LRRC58: variants seen among roughly 807,000 people sequenced by gnomAD.
LRRC58 encodes the protein leucine rich repeat containing 58, also known as leucine-rich repeat-containing protein 58.
A neutral mutation model predicts 30.6 loss-of-function variants in LRRC58; 18 were observed. The observed-to-expected ratio is 0.59, with a 90% CI of 0.41 to 0.87. The LOEUF is 0.87. Among genes scored for constraint, LRRC58 ranks in the 40% least tolerant of loss-of-function variants. The probability of loss-of-function intolerance (pLI) is 0.00; values close to 1 mark genes in which losing one functional copy is unlikely to be tolerated. For missense variants in LRRC58, 420 were observed against 468.4 expected (o/e 0.90, Z 0.95); for synonymous variants, 221 against 206.0 (o/e 1.07, Z -0.62).
intron 1 of LRRC58, 127 bp from the exon 2 acceptor site, chr3:120,336,080 G>T: frequency 1.5e-6 from 1 of 669,844 alleles, no homozygotes; most frequent in Non-Finnish European, 2.5e-6. Flanking sequence ...TTTGCTATGT[G>T]CTATCCAGTC....
Position 120,325,495 on chromosome 3 carries a change from T to C in LRRC58, c.*5705A>G, listed in dbSNP as rs932874496. 2 of 152,170 alleles carry C rather than the reference T, an allele frequency of 1.3e-5. No homozygotes were observed. The highest frequency in any genetic ancestry group is 4.8e-5 in the African/African-American group (2 of 41,448). 9.4% of individuals were successfully genotyped at this position (152,170 alleles called of 1,614,324 possible). A position where few individuals can be genotyped will look rare whatever the true frequency, so the allele number is the denominator to read the frequency against. ...TGAATACTATCCTTTACAACAACTA[T>C]TGAGAAAGACTAATGTTAGGTAAAA... is the stretch of plus-strand genomic sequence containing the variant. On this transcript the variant is annotated 3_prime_UTR_variant, in exon 4 of 4. Transcript: ENST00000295628.
intron 2 of LRRC58, 36 bp from the exon 3 acceptor site, chr3:120,335,175 A>G: frequency 6.4e-7 from 1 of 1,555,266 alleles, no homozygotes; most frequent in Non-Finnish European, 8.8e-7. Context: ...AATGGCAGTA[A>G]ACAACGTAAC....
intron 1 of LRRC58, among the ~76,000 whole-genome samples, chr3:120,342,538 T>G (rs1418046136): frequency 6.6e-6 from 1 of 151,962 alleles, no homozygotes; most frequent in Non-Finnish European, 1.5e-5. Flanking sequence ...TGCAGAGATA[T>G]CCGAATGACT....
chr3:120,349,202 G>A lies in LRRC58; in HGVS notation c.42C>T (p.Ala14=), dbSNP rs1936022077. 2.1e-6 allele frequency: 3 copies of A among 1,448,372 alleles called. No homozygotes were observed. The African/African-American group carries it at 4.5e-5, about 22-fold the overall frequency. 89.7% of individuals were successfully genotyped at this position (1,448,372 alleles called of 1,614,324 possible). The change falls in exon 1 of 4, where the codon GCC becomes GCT. Residue 14 remains alanine (A), a synonymous_variant. Transcript: ENST00000295628. ...AGAAVVTAGE[A]ELNWSRLSVS... ...CGCTGAGGCGGGACCAGTTCAGTTC[G>A]GCCTCCCCGGCCGTGACCACCGCTG... is the stretch of plus-strand genomic sequence containing the variant.
At chr3:120,339,809 A>T (rs576763851) in intron 1 of LRRC58, among the ~76,000 whole-genome samples, 2 of 152,114 alleles carry the variant, frequency 1.3e-5, no homozygotes, top group African/African-American at 4.8e-5. Flanking sequence ...TACTTCACAC[A>T]TTGTTTTTCT....
chr3:120,335,910 G>T lies in LRRC58; in HGVS notation c.544C>A (p.Pro182Thr). 1 of 1,599,350 alleles carries T rather than the reference G, an allele frequency of 6.3e-7. No homozygotes were observed. Among genetic ancestry groups the T allele is most frequent in the South Asian group, 1.1e-5 (1 of 90,692 alleles). The part of the protein sequence containing the change: ...YLGGNFIKEI[P>T]PELGNLPSLN... The stretch of plus-strand genomic sequence containing the variant: ...GAAGGCAGATTTCCTAATTCTGGTG[G>T]GATTTCTTTAATGAAATTTCCTCCA... The change falls in exon 2 of 4, where the codon CCA (proline) becomes ACA (threonine). Residue 182 changes from proline to threonine, a missense_variant. Around this residue, in one of 2 missense-constraint regions of LRRC58, gnomAD observed 266 missense variants for 251.7 expected, o/e 1.06. Coordinates refer to ENST00000295628, the MANE Select transcript of LRRC58 (RefSeq NM_001099678.2).
intron 1 of LRRC58, among the ~76,000 whole-genome samples, chr3:120,339,060 T>C (rs989923933): frequency 1.3e-5 from 2 of 152,250 alleles, no homozygotes; most frequent in African/African-American, 4.8e-5. Context: ...AAATGAAGCA[T>C]AATTTGAAGA....
intron 1 of LRRC58, among the ~76,000 whole-genome samples, chr3:120,346,907 A>C (rs1935975194): frequency 1.3e-5 from 2 of 152,322 alleles, no homozygotes; most frequent in Middle Eastern, 3.4e-3. Context: ...CTTAGAATAA[A>C]ATCCAAACTT....
Position 120,349,103 on chromosome 3 carries a change from C to T in LRRC58, c.141G>A (p.Leu47=). The change falls in exon 1 of 4, where the codon CTG becomes CTA. Residue 47 remains leucine (L), a synonymous_variant. Transcript: ENST00000295628. ...GACGGTTGTGAGGCAGCAGCAGCCG[C>T]AGCAGCGCCTCCCGCGCCCCGCGCC... ...EERRGAREAL[L]RLLLPHNRLV... The T allele has an allele frequency of 6.6e-7, 1 of 1,512,154 alleles. No homozygotes were observed. The highest frequency in any genetic ancestry group is 8.8e-7 in the Non-Finnish European group (1 of 1,138,874). The allele number at this position is 1,512,154 out of a possible 1,614,324, so 93.7% of individuals were successfully genotyped here. A position where few individuals can be genotyped will look rare whatever the true frequency, so the allele number is the denominator to read the frequency against.
rs767129807 is a variant in LRRC58 at position 120,326,607 on chromosome 3, ATTG to A, written c.*4590_*4592del. ...AAAAATCTATACAATAGCTTTTACT[ATTG>A]TTAAGTACCTGGCACAACTTAAAAG... On this transcript the variant is annotated 3_prime_UTR_variant, in exon 4 of 4. Transcript: ENST00000295628. The A allele has an allele frequency of 2.0e-5, 3 of 152,228 alleles. No homozygotes were observed. The highest frequency in any genetic ancestry group is 4.4e-5 in the Non-Finnish European group (3 of 68,024). 9.4% of individuals were successfully genotyped at this position (152,228 alleles called of 1,614,324 possible).
chr3:120,342,563 G>T (rs1935917468), intron 1 of LRRC58, among the ~76,000 whole-genome samples: 1 of 152,026 alleles, frequency 6.6e-6, no homozygotes. Flanking sequence ...TGAGGAGAGG[G>T]GCCACCCTCT....
At chr3:120,347,961 T>A (rs1935994649) in intron 1 of LRRC58, among the ~76,000 whole-genome samples, 1 of 152,136 alleles carries the variant, frequency 6.6e-6, no homozygotes, top group South Asian at 2.1e-4. Context: ...AAACAAGGAA[T>A]CATATCCAAT....
At chr3:120,337,546 T>C (rs1935850865) in intron 1 of LRRC58, among the ~76,000 whole-genome samples, 1 of 152,168 alleles carries the variant, frequency 6.6e-6, no homozygotes, top group African/African-American at 2.4e-5. Context: ...CTTTGTTCCT[T>C]TGTGGCCTCA....
Position 120,331,334 on chromosome 3 carries a change from G to A in LRRC58, c.982C>T (p.His328Tyr). The A allele has an allele frequency of 6.2e-7, 1 of 1,613,914 alleles. No homozygotes were observed. The highest frequency in any genetic ancestry group is 8.5e-7 in the Non-Finnish European group (1 of 1,179,794). The part of the protein sequence containing the change: ...FCGKYRLPLM[H>Y]YLCSPECSSP... ...GAACATTCTGGTGAACACAAGTAGT[G>A]CATCAGTGGGAGGCGATACTTCCCA... Residue 328 changes from histidine to tyrosine, a missense_variant, in exon 4 of 4, where the codon CAC (histidine) becomes TAC (tyrosine). By Grantham distance (83) the His-to-Tyr change is moderately conservative (BLOSUM62 2). Coordinates refer to ENST00000295628, the MANE Select transcript of LRRC58 (RefSeq NM_001099678.2).
chr3:120,344,571 T>G (rs538512924), intron 1 of LRRC58, among the ~76,000 whole-genome samples: 1 of 152,296 alleles, frequency 6.6e-6, no homozygotes, highest in South Asian at 2.1e-4. Flanking sequence ...TGTCACACCC[T>G]CCTATCTCAA....
chr3:120,345,606 T>C (rs1244713121), intron 1 of LRRC58, among the ~76,000 whole-genome samples: 2 of 152,236 alleles, frequency 1.3e-5, no homozygotes, highest in Non-Finnish European at 2.9e-5. Flanking sequence ...AAATCACTGA[T>C]AATAAATCTA....
Position 120,328,353 on chromosome 3 carries a change from T to C in LRRC58, c.*2847A>G, listed in dbSNP as rs1935709989. On this transcript the variant is annotated 3_prime_UTR_variant, in exon 4 of 4. Coordinates refer to ENST00000295628, the MANE Select transcript of LRRC58 (RefSeq NM_001099678.2). ...GAGAATTGATTCTAGGGATAAAGAC[T>C]ACTAAGAATGCACAATGTACTAATT... 6.6e-6 allele frequency: 1 copy of C among 152,210 alleles called. No homozygotes were observed. Among genetic ancestry groups the C allele is most frequent in the African/African-American group, 2.4e-5 (1 of 41,454 alleles). The allele number at this position is 152,210 out of a possible 1,614,324, so 9.4% of individuals were successfully genotyped here.
At chr3:120,338,002 C>T (rs1935857128) in intron 1 of LRRC58, among the ~76,000 whole-genome samples, 1 of 152,068 alleles carries the variant, frequency 6.6e-6, no homozygotes, top group Admixed American at 6.6e-5. Context: ...GCCACCATGC[C>T]TGAGTAATTT....
chr3:120,347,237 T>C (rs888785604), intron 1 of LRRC58, among the ~76,000 whole-genome samples: 3 of 152,154 alleles, frequency 2.0e-5, no homozygotes, highest in Non-Finnish European at 2.9e-5. Context: ...TAAATATCTA[T>C]TGAAGAGTAA....
Sources: gnomAD v4.1 joint callset for allele counts (sites outside exome capture counted in the v4.1 genomes callset) on GRCh38, gnomAD v4.1.1 for gene constraint, gnomAD v4.1.1 regional missense constraint, MANE v1.5 for transcripts, NCBI Gene and HGNC (gene_info 2026-07-23, HGNC 2026-07-21) for gene names.